Variants in BMAL2 observed in about 807,000 individuals in gnomAD.
The protein encoded by BMAL2 is basic helix-loop-helix ARNT-like protein 2.
the BMAL2 span, among the ~76,000 whole-genome samples, chr12:27,356,154 C>T: frequency 2.0e-5 from 3 of 152,156 alleles, no homozygotes; most frequent in African/African-American, 7.2e-5. Context: ...GGATTACAGT[C>T]TTTATTACAG....
At chr12:27,350,575 A>G in the BMAL2 span, among the ~76,000 whole-genome samples, 1 of 152,252 alleles carries the variant, frequency 6.6e-6, no homozygotes, top group Non-Finnish European at 1.5e-5. Context: ...TTGGTTTAGA[A>G]AACAAGAAGG....
the BMAL2 span, among the ~76,000 whole-genome samples, chr12:27,340,989 G>A: frequency 1.4e-4 from 22 of 152,002 alleles, no homozygotes; most frequent in African/African-American, 5.1e-4. Flanking sequence ...ATTATGCATC[G>A]GCTTAAGGTG....
the BMAL2 span, among the ~76,000 whole-genome samples, chr12:27,355,289 A>C: frequency 1.3e-5 from 2 of 152,072 alleles, no homozygotes; most frequent in African/African-American, 2.4e-5. Context: ...CTTTTTTAAC[A>C]CACTCTGTCC....
chr12:27,367,856 T>C, the BMAL2 span, among the ~76,000 whole-genome samples: 1 of 151,624 alleles, frequency 6.6e-6, no homozygotes, highest in African/African-American at 2.4e-5. Flanking sequence ...GTATACACAT[T>C]TTTTTTGAGA....
At chr12:27,364,070 A>G in the BMAL2 span, among the ~76,000 whole-genome samples, 1 of 152,138 alleles carries the variant, frequency 6.6e-6, no homozygotes, top group Non-Finnish European at 1.5e-5. Flanking sequence ...CTACGATGGT[A>G]TCTTCTTGCT....
chr12:27,381,999 G>A, the BMAL2 span, among the ~76,000 whole-genome samples: 3 of 152,214 alleles, frequency 2.0e-5, no homozygotes. Context: ...CACCATGCAA[G>A]GTATGGTCAA....
At chr12:27,401,129 GAT>G in the BMAL2 span, 1 of 737,354 alleles carries the variant, frequency 1.4e-6, no homozygotes, top group Non-Finnish European at 2.3e-6. Context: ...GGAGCCCAGT[GAT>G]ATGCATGGGT....
the BMAL2 span, among the ~76,000 whole-genome samples, chr12:27,411,798 T>A: frequency 2.0e-5 from 3 of 152,166 alleles, no homozygotes; most frequent in African/African-American, 7.2e-5. Context: ...TTGGGTTGCC[T>A]TTTTACTCTG....
chr12:27,358,229 A>C, the BMAL2 span, among the ~76,000 whole-genome samples: 59,533 of 151,774 alleles, frequency 0.39, 12,263 homozygotes, highest in Admixed American at 0.49. Flanking sequence ...AAAGTGGGCT[A>C]AGGACATTAA....
the BMAL2 span, among the ~76,000 whole-genome samples, chr12:27,339,776 C>A: frequency 1.3e-5 from 2 of 152,058 alleles, no homozygotes; most frequent in African/African-American, 4.8e-5. Context: ...AGGTGCACGC[C>A]GCCATAATAG....
chr12:27,390,051 C>A, the BMAL2 span: 1 of 1,593,746 alleles, frequency 6.3e-7, no homozygotes, highest in Non-Finnish European at 8.6e-7. Context: ...AATTATTTGA[C>A]AATATTCTTT....
the BMAL2 span, chr12:27,380,203 T>A: frequency 6.3e-7 from 1 of 1,590,730 alleles, no homozygotes; most frequent in Non-Finnish European, 8.6e-7. Context: ...TGACTGGGGG[T>A]CTGCTGAATG....
At chr12:27,399,582 A>G in the BMAL2 span, among the ~76,000 whole-genome samples, 2 of 152,240 alleles carry the variant, frequency 1.3e-5, no homozygotes, top group Non-Finnish European at 1.5e-5. Context: ...CTTTGCTATT[A>G]TTGTTAACTA....
chr12:27,355,247 C>G, the BMAL2 span, among the ~76,000 whole-genome samples: 5 of 152,112 alleles, frequency 3.3e-5, no homozygotes, highest in African/African-American at 1.2e-4. Flanking sequence ...CTCCCCATCC[C>G]CTGATGTTAC....
At chr12:27,370,803 A>G in the BMAL2 span, among the ~76,000 whole-genome samples, 3 of 152,088 alleles carry the variant, frequency 2.0e-5, no homozygotes, top group African/African-American at 7.2e-5. Flanking sequence ...ATGAGGTTTC[A>G]CCATGTTGGC....
At chr12:27,417,928 G>A in the BMAL2 span, among the ~76,000 whole-genome samples, 3 of 152,018 alleles carry the variant, frequency 2.0e-5, no homozygotes, top group African/African-American at 7.2e-5. Flanking sequence ...AGGAGGTGGA[G>A]GTTGCAATGA....
chr12:27,361,473 A>G, the BMAL2 span, among the ~76,000 whole-genome samples: 1 of 152,220 alleles, frequency 6.6e-6, no homozygotes, highest in Admixed American at 6.5e-5. Flanking sequence ...AAGAACACAT[A>G]TTACATTCAC....
the BMAL2 span, among the ~76,000 whole-genome samples, chr12:27,405,684 A>G: frequency 1.3e-5 from 2 of 152,264 alleles, no homozygotes; most frequent in African/African-American, 2.4e-5. Context: ...TCTAAAAATC[A>G]GAGCGCCTTT....
At chr12:27,402,193 T>C in the BMAL2 span, among the ~76,000 whole-genome samples, 2 of 152,178 alleles carry the variant, frequency 1.3e-5, no homozygotes, top group Non-Finnish European at 2.9e-5. Context: ...GAGGCTAGGA[T>C]GGCCCCGTTG....
Sources: allele counts gnomAD v4.1 joint callset (sites outside exome capture counted in the v4.1 genomes callset), GRCh38; gene constraint gnomAD v4.1.1; transcripts MANE v1.5; gene names NCBI Gene and HGNC (gene_info 2026-07-23, HGNC 2026-07-21).